The following NSD1 variants were observed in gnomAD, a reference collection of about 807,000 sequenced individuals.
NSD1 encodes the protein nuclear receptor binding SET domain protein 1.
In NSD1, 26 loss-of-function variants were observed where a neutral mutation model predicts 242.7. The observed-to-expected ratio is 0.11, with a 90% CI of 0.08 to 0.15. The LOEUF is 0.15. Among genes scored for constraint, NSD1 ranks in the 10% least tolerant of loss-of-function variants. The pLI is 1.00. For synonymous variants in NSD1, 1,106 were observed against 1,178.1 expected (o/e 0.94, Z 1.25); for missense variants, 2,495 against 3,272.8 (o/e 0.76, Z 5.80).
chr5:177,173,060 T>C (rs1222075220), intron 2 of NSD1, among the ~76,000 whole-genome samples: 1 of 150,262 alleles, frequency 6.7e-6, no homozygotes, highest in African/African-American at 2.5e-5. Context: ...TTGGGAGGCC[T>C]AGGTGGGCAG....
chr5:177,150,165 G>A lies in NSD1; in HGVS notation c.927+14135G>A, dbSNP rs186362055. ...ATTTATTTTTTTGAGATGGAGTCTC[G>A]CTCTGTCACGCAAGCTGGAATGCAA... On this transcript the variant is annotated intron_variant, in intron 2 of 22. Transcript: ENST00000439151. Among the ~76,000 whole-genome samples, 26 of 151,098 alleles carry A rather than the reference G, an allele frequency of 1.7e-4. 1 individual carries two copies. In the East Asian group the frequency reaches 5.1e-3, roughly 29 times the overall value.
chr5:177,135,128 A>G lies in NSD1; in HGVS notation c.25A>G (p.Arg9Gly). The change falls in exon 2 of 23, where the codon AGA (arginine) becomes GGA (glycine). Residue 9 changes from arginine to glycine, a missense_variant. Physicochemically the swap from Arg to Gly is moderately radical, Grantham distance 125. Coordinates refer to ENST00000439151, the MANE Select transcript of NSD1 (RefSeq NM_022455.5). MDQTCELP[R>G]RNCLLPFSNP... ...GATGGATCAGACCTGTGAACTACCC[A>G]GAAGAAATTGTCTGCTGCCCTTTTC... is the stretch of plus-strand genomic sequence containing the variant. 1 of 1,614,220 alleles carries G rather than the reference A, an allele frequency of 6.2e-7. No homozygotes were observed. Among genetic ancestry groups the G allele is most frequent in the South Asian group, 1.1e-5 (1 of 91,088 alleles).
intron 2 of NSD1, among the ~76,000 whole-genome samples, chr5:177,144,290 T>C (rs1279931878): frequency 1.3e-5 from 2 of 152,076 alleles, no homozygotes; most frequent in Admixed American, 1.3e-4. Context: ...GGCCTGATCT[T>C]GGCTCCTGGC....
chr5:177,220,286 A>G (rs1449053604), intron 5 of NSD1, among the ~76,000 whole-genome samples: 1 of 152,106 alleles, frequency 6.6e-6, no homozygotes, highest in African/African-American at 2.4e-5. Context: ...TTATCATATC[A>G]TGTGTTCCTT....
Position 177,280,755 on chromosome 5 carries a change from A to T in NSD1, c.5813A>T (p.Lys1938Met), listed in dbSNP as rs1457153381. 1 of 1,614,234 alleles carries T rather than the reference A, an allele frequency of 6.2e-7. No homozygotes were observed. Among genetic ancestry groups the T allele is most frequent in the African/African-American group, 1.3e-5 (1 of 75,070 alleles). The change falls in exon 18 of 23, where the codon AAG (lysine) becomes ATG (methionine). Residue 1938 changes from lysine to methionine, a missense_variant. Lys to Met is a moderately conservative substitution (Grantham distance 95). This residue lies in a region of NSD1 where 114 missense variants were observed against 247.4 expected (regional missense o/e 0.46). Coordinates refer to ENST00000439151, the MANE Select transcript of NSD1 (RefSeq NM_022455.5). ...CGCTGTCAAAACCAGTGCTTTTCCA[A>T]GCGCCAATATCCAGAGGTTGAAATT... ...GGRCQNQCFS[K>M]RQYPEVEIFR...
At chr5:177,234,561 A>G (rs2149882016) in intron 5 of NSD1, among the ~76,000 whole-genome samples, 1 of 152,240 alleles carries the variant, frequency 6.6e-6, no homozygotes, top group South Asian at 2.1e-4. Flanking sequence ...TACTAAAAAT[A>G]CAAAATTAGC....
chr5:177,265,841 T>C (rs1051885915), intron 14 of NSD1: 15 of 1,405,366 alleles, frequency 1.1e-5, no homozygotes, highest in Admixed American at 1.7e-5. Flanking sequence ...GTAGGCCACC[T>C]GGGTGTGCAC....
In NSD1 at chr5:177,181,426, G is replaced by GTT. The variant is rs1554183364; in HGVS notation, c.928-10458_928-10457insTT. Among the ~76,000 whole-genome samples, 1,158 of 119,640 alleles carry GTT rather than the reference G, an allele frequency of 9.7e-3. 34 individuals are homozygous for GTT. Among genetic ancestry groups the GTT allele is most frequent in the South Asian group, 0.028 (111 of 3,964 alleles). 78.5% of individuals were successfully genotyped at this position (119,640 alleles called of 152,430 possible). ...GAAACTTCATTATGGGTTTTTTTTT[G>GTT]GTTTTTTTTTTTTTTTTTTGGCAGG... On this transcript the variant is annotated intron_variant, in intron 2 of 22. Coordinates refer to ENST00000439151, the MANE Select transcript of NSD1 (RefSeq NM_022455.5).
intron 2 of NSD1, among the ~76,000 whole-genome samples, chr5:177,141,932 C>G (rs1279763133): frequency 6.6e-6 from 1 of 152,142 alleles, no homozygotes; most frequent in South Asian, 2.1e-4. Context: ...CTTCTGGGTT[C>G]AAGTGATTCT....
intron 12 of NSD1, 87 bp from the exon 13 acceptor site, chr5:177,256,863 TA>T: frequency 9.2e-7 from 1 of 1,087,012 alleles, no homozygotes; most frequent in Non-Finnish European, 1.4e-6. Context: ...CAGTCCATTA[TA>T]AAATTTCTTA....
chr5:177,198,379 A>G (rs576714258), intron 3 of NSD1, among the ~76,000 whole-genome samples: 2 of 152,230 alleles, frequency 1.3e-5, no homozygotes, highest in South Asian at 2.1e-4. Flanking sequence ...GTGCTAGCCA[A>G]TTCGGATCCC....
chr5:177,238,342 C>G lies in NSD1; in HGVS notation c.4027C>G (p.Pro1343Ala). The G allele has an allele frequency of 6.2e-7, 1 of 1,614,046 alleles. No individual in the cohort carries two copies. Among genetic ancestry groups the G allele is most frequent in the Non-Finnish European group, 8.5e-7 (1 of 1,179,952 alleles). ...TTTGATTTCAACCAAAGAAGAGCCT[C>G]CAGTTCTTGAAAGGGAGGCTCCGTT... is the stretch of plus-strand genomic sequence containing the variant. ...NSLISTKEEP[P>A]VLEREAPFLE... The change falls in exon 7 of 23, where the codon CCA becomes GCA. Residue 1343 changes from proline to alanine, a missense_variant. By Grantham distance (27) the Pro-to-Ala change is conservative. Around this residue, in one of 19 missense-constraint regions of NSD1, gnomAD observed 100 missense variants for 190.7 expected, o/e 0.52. Coordinates refer to ENST00000439151, the MANE Select transcript of NSD1 (RefSeq NM_022455.5). This position sits in a 1 kb window ranked among gnomAD's most constrained non-coding sequence, Gnocchi z 4.6.
In NSD1 at chr5:177,160,292, G is replaced by GT. The variant is rs913853992; in HGVS notation, c.927+24271dup. 1.5e-4 allele frequency among the ~76,000 whole-genome samples: 23 copies of GT among 150,590 alleles called. 1 individual carries two copies. Among genetic ancestry groups the GT allele is most frequent in the South Asian group, 4.2e-4 (2 of 4,730 alleles). ...TGAGCTTTACTTCATTTTTTAATGT[G>GT]TTTTTTTTTCTTTTCTTTTGTTTTT... On this transcript the variant is annotated intron_variant, in intron 2 of 22. Transcript: ENST00000439151.
At chr5:177,241,342 CAAA>C (rs755867773) in intron 8 of NSD1, among the ~76,000 whole-genome samples, 1 of 128,850 alleles carries the variant, frequency 7.8e-6, no homozygotes, top group Non-Finnish European at 1.7e-5. Context: ...ACTAATAATA[CAAA>C]AAAAAAAAAA....
chr5:177,160,970 T>C lies in NSD1; in HGVS notation c.927+24940T>C, dbSNP rs375997473. Among the ~76,000 whole-genome samples, 13 of 152,230 alleles carry C rather than the reference T, an allele frequency of 8.5e-5. No individual in the cohort carries two copies. In the East Asian group the frequency reaches 1.5e-3, roughly 18 times the overall value. On this transcript the variant is annotated intron_variant, in intron 2 of 22. Transcript: ENST00000439151. ...TTTTAGTAGAGATGAGGTTTCCCCA[T>C]GTTGGCCAGGCTAGTCTCAACTTCT... is the stretch of plus-strand genomic sequence containing the variant.
At chr5:177,152,343 A>G (rs952552758) in intron 2 of NSD1, among the ~76,000 whole-genome samples, 1 of 150,298 alleles carries the variant, frequency 6.7e-6, no homozygotes, top group African/African-American at 2.5e-5. Flanking sequence ...GTATGTATGT[A>G]TGTATGTATG....
rs1761666856 is a variant in NSD1, at chr5:177,191,192, AC to A, written c.928-691del. Among the ~76,000 whole-genome samples, 11 of 139,670 alleles carry A rather than the reference AC, an allele frequency of 7.9e-5. No homozygotes were observed. The South Asian group carries it at 2.3e-3, about 29-fold the overall frequency. 91.6% of individuals were successfully genotyped at this position (139,670 alleles called of 152,430 possible). On this transcript the variant is annotated intron_variant, in intron 2 of 22. Coordinates refer to ENST00000439151, the MANE Select transcript of NSD1 (RefSeq NM_022455.5). ...ACCATGTTGGCCAGGCCGGTCACGA[AC>A]TCCTGACCTCAGGTGATCCACCTGC...
intron 2 of NSD1, among the ~76,000 whole-genome samples, chr5:177,159,512 G>C (rs556411221): frequency 2.0e-5 from 3 of 151,828 alleles, no homozygotes; most frequent in South Asian, 4.2e-4. Context: ...CAAAACTCCT[G>C]ACCTCAGGTG....
intron 3 of NSD1, among the ~76,000 whole-genome samples, chr5:177,199,420 G>T (rs1178919242): frequency 6.6e-6 from 1 of 152,048 alleles, no homozygotes; most frequent in Non-Finnish European, 1.5e-5. Context: ...ACCATGCCCA[G>T]CTAATTTTTA....
Sources: gnomAD v4.1 joint callset for allele counts (sites outside exome capture counted in the v4.1 genomes callset) on GRCh38, gnomAD v4.1.1 for gene constraint, gnomAD v4.1.1 regional missense constraint, Gnocchi (gnomAD v3.1) non-coding constraint, MANE v1.5 for transcripts, NCBI Gene and HGNC (gene_info 2026-07-23, HGNC 2026-07-21) for gene names.